Variants in PTPRN2 observed in about 807,000 individuals in gnomAD.
The protein encoded by PTPRN2 is protein tyrosine phosphatase receptor type N2.
A neutral mutation model predicts 118.8 loss-of-function variants in PTPRN2; 74 were observed. The ratio of observed to expected loss-of-function variants is 0.62; its 90% CI spans 0.52 to 0.76. The LOEUF (loss-of-function observed/expected upper bound fraction) is 0.76. Among genes scored for constraint, PTPRN2 ranks in the 30% least tolerant of loss-of-function variants. The pLI, the probability that PTPRN2 is intolerant of heterozygous loss-of-function variation, is 0.00. For synonymous variants in PTPRN2, 641 were observed against 608.0 expected, an observed-to-expected ratio of 1.05 and a Z score of -0.80; for missense variants, 1,481 against 1,394.4, an observed-to-expected ratio of 1.06 and a Z score of -0.99.
intron 6 of PTPRN2, among the ~76,000 whole-genome samples, chr7:158,146,186 G>C (rs942600417): frequency 6.6e-6 from 1 of 152,114 alleles, no homozygotes; most frequent in Non-Finnish European, 1.5e-5. Context: ...TAGATGCTCA[G>C]TCACACAAGC....
In PTPRN2 at chr7:158,489,762, A is replaced by C; in HGVS notation, c.136T>G (p.Cys46Gly). The C allele has an allele frequency of 3.2e-6, 5 of 1,583,018 alleles. No homozygotes were observed. The highest frequency in any genetic ancestry group is 4.3e-6 in the Non-Finnish European group (5 of 1,165,616). The change falls in exon 2 of 23, where the codon TGC (cysteine) becomes GGC (glycine). Residue 46 changes from cysteine (C) to glycine (G), a missense_variant. Around this residue, in one of 3 missense-constraint regions of PTPRN2, gnomAD observed 1,115 missense variants for 994.2 expected, o/e 1.12. Coordinates refer to ENST00000389418, the MANE Select transcript of PTPRN2 (RefSeq NM_002847.5). ...RLGCLLEEGLCGASEACVNDG... is the reference protein window; with the variant it reads ...RLGCLLEEGLGGASEACVNDG... ...TTCACACAGGCCTCGGACGCTCCGC[A>C]GAGGCCCTCCTCGAGCAGGCAGCCT...
At chr7:158,285,111 T>C (rs904807164) in intron 3 of PTPRN2, among the ~76,000 whole-genome samples, 1 of 152,260 alleles carries the variant, frequency 6.6e-6, no homozygotes, top group Non-Finnish European at 1.5e-5. Context: ...GCTGTTGCTC[T>C]CAGTGGAAAA....
At chr7:158,149,418 A>C (rs904322508) in intron 6 of PTPRN2, among the ~76,000 whole-genome samples, 4 of 151,636 alleles carry the variant, frequency 2.6e-5, no homozygotes, top group Non-Finnish European at 5.9e-5. Context: ...AAAATGTATA[A>C]GATGTTACCT....
intron 3 of PTPRN2, among the ~76,000 whole-genome samples, chr7:158,306,918 G>C (rs1421394240): frequency 6.7e-6 from 1 of 148,264 alleles, no homozygotes; most frequent in African/African-American, 2.5e-5. Context: ...CCAGGCTGGA[G>C]TGCAGTGGTG....
intron 3 of PTPRN2, among the ~76,000 whole-genome samples, chr7:158,315,084 C>T (rs1397927595): frequency 4.8e-4 from 31 of 64,318 alleles, no homozygotes; most frequent in African/African-American, 2.1e-3. Context: ...GAGGTGAACC[C>T]GGGACCCCCT....
intron 11 of PTPRN2, among the ~76,000 whole-genome samples, chr7:157,951,135 G>A (rs532996647): frequency 3.3e-4 from 50 of 152,100 alleles, no homozygotes; most frequent in African/African-American, 9.9e-4. Context: ...CCCAGGTGCC[G>A]TCCCCTGACC....
At chr7:157,665,407 A>G (rs565405511) in intron 13 of PTPRN2, among the ~76,000 whole-genome samples, 6 of 152,362 alleles carry the variant, frequency 3.9e-5, no homozygotes, top group African/African-American at 1.4e-4. Flanking sequence ...ATGTAACCAC[A>G]TAACTCTTTT....
intron 11 of PTPRN2, among the ~76,000 whole-genome samples, chr7:157,956,038 T>C (rs933183045): frequency 1.3e-5 from 2 of 152,206 alleles, no homozygotes; most frequent in Non-Finnish European, 2.9e-5. Flanking sequence ...CCCCAGGCCA[T>C]TCGTGTGCTG....
intron 2 of PTPRN2, among the ~76,000 whole-genome samples, chr7:158,481,607 G>A (rs1820646933): frequency 6.6e-6 from 1 of 152,178 alleles, no homozygotes; most frequent in Admixed American, 6.5e-5. Context: ...GGGATTACAG[G>A]CACATGCCAC....
rs1449730311 is a variant in PTPRN2, at chr7:158,089,991, TC to T, written c.1644-8615del. ...AGGGAGTCTTCACACAAACCCTTCC[TC>T]CCCTGACGAAAGAGGGAGTCTTCAC... On this transcript the variant is annotated intron_variant, in intron 10 of 22. Coordinates refer to ENST00000389418, the MANE Select transcript of PTPRN2 (RefSeq NM_002847.5). Among the ~76,000 whole-genome samples, 2 of 40,002 alleles carry T rather than the reference TC, an allele frequency of 5.0e-5. 1 individual carries two copies. The highest frequency in any genetic ancestry group is 1.7e-4 in the Non-Finnish European group (2 of 11,974). 26.2% of individuals were successfully genotyped at this position (40,002 alleles called of 152,430 possible). A position where few individuals can be genotyped will look rare whatever the true frequency, so the allele number is the denominator to read the frequency against.
intron 2 of PTPRN2, among the ~76,000 whole-genome samples, chr7:158,333,678 CA>C (rs1392453593): frequency 3.3e-5 from 5 of 150,950 alleles, no homozygotes; most frequent in Non-Finnish European, 7.4e-5. Flanking sequence ...CACCCACAGA[CA>C]TCACTCACAC....
At position 157,622,150 on chromosome 7, in the gene PTPRN2, T is replaced by C. The variant is rs1286468336; in HGVS notation, c.2197-641A>G. Among the ~76,000 whole-genome samples the C allele has an allele frequency of 2.0e-5, 3 of 152,080 alleles. No homozygotes were observed. The highest frequency in any genetic ancestry group is 4.4e-5 in the Non-Finnish European group (3 of 68,014). Reference sequence around the variant, plus strand: ...GCCAGCACAGCCCACTCGGTTCTTATTCATCTGTACCGTTGAGAACAAGCC... The same window carrying C: ...GCCAGCACAGCCCACTCGGTTCTTACTCATCTGTACCGTTGAGAACAAGCC... On this transcript the variant is annotated intron_variant, in intron 14 of 22. Transcript: ENST00000389418. This position sits in a 1 kb window ranked among gnomAD's most constrained non-coding sequence, Gnocchi z 5.3.
At chr7:157,551,574 C>T (rs1798607109) in intron 21 of PTPRN2, among the ~76,000 whole-genome samples, 1 of 146,236 alleles carries the variant, frequency 6.8e-6, no homozygotes, top group Non-Finnish European at 1.5e-5. Context: ...ACCCCACAGC[C>T]ATCACACACC....
At chr7:157,636,156 G>A (rs1804307113) in intron 14 of PTPRN2, among the ~76,000 whole-genome samples, 1 of 152,156 alleles carries the variant, frequency 6.6e-6, no homozygotes, top group African/African-American at 2.4e-5. Context: ...CAAACAGTAA[G>A]TAATAATTAT....
intron 12 of PTPRN2, among the ~76,000 whole-genome samples, chr7:157,842,263 C>T (rs1055686828): frequency 9.9e-5 from 15 of 152,104 alleles, no homozygotes; most frequent in Non-Finnish European, 1.2e-4. Context: ...GTCATTTCAG[C>T]GCGCTCCAAT....
intron 6 of PTPRN2, among the ~76,000 whole-genome samples, chr7:158,147,937 C>A (rs370873227): frequency 3.9e-5 from 5 of 128,728 alleles, no homozygotes; most frequent in African/African-American, 1.5e-4. Flanking sequence ...TGTCTTTCCC[C>A]CTCAATGACA....
At position 157,841,726 on chromosome 7, in the gene PTPRN2, T is replaced by TG. The variant is rs372166472; in HGVS notation, c.1788+56946dup. On this transcript the variant is annotated intron_variant, in intron 12 of 22. Transcript: ENST00000389418. ...CCTTCCATAGAAAGAGAAGCAAAGCTGGGGGTAAATAAAGGTTGCTTGAGA... is the reference window on the plus strand; with the variant it reads ...CCTTCCATAGAAAGAGAAGCAAAGCTGGGGGGTAAATAAAGGTTGCTTGAGA... Among the ~76,000 whole-genome samples, 15 of 152,318 alleles carry TG rather than the reference T, an allele frequency of 9.8e-5. No individual in the cohort carries two copies. In the East Asian group the frequency reaches 2.9e-3, roughly 29 times the overall value.
intron 2 of PTPRN2, among the ~76,000 whole-genome samples, chr7:158,362,855 C>T (rs910543362): frequency 7.9e-5 from 12 of 152,126 alleles, no homozygotes; most frequent in African/African-American, 1.9e-4. Flanking sequence ...GGCAGTAGCC[C>T]CAAAGCCCCA....
At chr7:157,793,087 C>T (rs375536629) in intron 12 of PTPRN2, among the ~76,000 whole-genome samples, 10 of 151,900 alleles carry the variant, frequency 6.6e-5, no homozygotes, top group African/African-American at 1.9e-4. Flanking sequence ...GCGCTGTGCC[C>T]GGGGAGAGGA....
Sources: allele counts gnomAD v4.1 joint callset (sites outside exome capture counted in the v4.1 genomes callset), GRCh38; gene constraint gnomAD v4.1.1; regional missense constraint gnomAD v4.1.1; non-coding constraint Gnocchi (gnomAD v3.1); transcripts MANE v1.5; gene names NCBI Gene and HGNC (gene_info 2026-07-23, HGNC 2026-07-21).